Variants in NRXN3 observed in about 807,000 individuals in gnomAD.
NRXN3 encodes neurexin III.
A neutral mutation model predicts 137.6 loss-of-function variants in NRXN3; 32 were observed. The observed-to-expected ratio is 0.23, with a 90% CI of 0.18 to 0.31. The LOEUF is 0.31. Ranked by LOEUF, NRXN3 falls within the 10% of genes least tolerant of loss-of-function variation. The pLI is 1.00. For missense variants in NRXN3, 1,574 were observed against 2,062.5 expected (o/e 0.76, Z 4.59); for synonymous variants, 798 against 784.5 (o/e 1.02, Z -0.29).
chr14:78,817,660 A>G (rs1007070434), intron 10 of NRXN3, among the ~76,000 whole-genome samples: 4 of 152,168 alleles, frequency 2.6e-5, no homozygotes, highest in Non-Finnish European at 5.9e-5. Flanking sequence ...CAAAAAGATC[A>G]CTTGGTGAGA....
At chr14:79,571,332 G>A (rs2097599125) in intron 16 of NRXN3, among the ~76,000 whole-genome samples, 3 of 152,106 alleles carry the variant, frequency 2.0e-5, no homozygotes, top group Admixed American at 2.0e-4. Flanking sequence ...CATTGATACT[G>A]CAAGACATAT....
chr14:79,483,389 A>C (rs2096626008), intron 16 of NRXN3, among the ~76,000 whole-genome samples: 4 of 152,182 alleles, frequency 2.6e-5, no homozygotes, highest in Admixed American at 2.6e-4. Context: ...GTTTCCATGA[A>C]TTGCTTCTTT....
intron 10 of NRXN3, among the ~76,000 whole-genome samples, chr14:78,947,243 G>T (rs550449616): frequency 1.3e-5 from 2 of 152,310 alleles, no homozygotes; most frequent in South Asian, 4.1e-4. Flanking sequence ...AAGCTGATAG[G>T]CCTTGTAATT....
intron 8 of NRXN3, among the ~76,000 whole-genome samples, chr14:78,718,875 G>A (rs998096347): frequency 2.0e-5 from 3 of 152,174 alleles, no homozygotes; most frequent in Admixed American, 6.5e-5. Flanking sequence ...AATCAGATAG[G>A]TTGAAATTCT....
At chr14:78,547,761 T>C (rs986151902) in intron 4 of NRXN3, among the ~76,000 whole-genome samples, 8 of 151,484 alleles carry the variant, frequency 5.3e-5, no homozygotes, top group African/African-American at 1.9e-4. Flanking sequence ...CTCATTTCTA[T>C]TCCTTAGTGA....
intron 10 of NRXN3, among the ~76,000 whole-genome samples, chr14:78,885,204 A>G (rs574070004): frequency 1.3e-5 from 2 of 149,028 alleles, no homozygotes; most frequent in East Asian, 3.9e-4. Flanking sequence ...ATGTATGTAA[A>G]ATATATAAAT....
At chr14:78,631,590 C>T (rs2097523560) in intron 4 of NRXN3, among the ~76,000 whole-genome samples, 1 of 152,036 alleles carries the variant, frequency 6.6e-6, no homozygotes, top group Non-Finnish European at 1.5e-5. Flanking sequence ...AAAACTAAAC[C>T]AATTTGAGTG....
chr14:78,740,544 CT>C (rs11389703), intron 8 of NRXN3, among the ~76,000 whole-genome samples: 119 of 142,072 alleles, frequency 8.4e-4, no homozygotes, highest in African/African-American at 9.9e-4. Context: ...CTTTTCTTTT[CT>C]TTTTTTTTTT....
At chr14:78,637,787 A>T (rs1290148670) in intron 4 of NRXN3, among the ~76,000 whole-genome samples, 7 of 152,210 alleles carry the variant, frequency 4.6e-5, no homozygotes, top group Non-Finnish European at 8.8e-5. Context: ...AGGCATTCAA[A>T]ATTTTTTAGC....
rs113968589 is a variant in NRXN3, at chr14:79,832,854, A to C, written c.4093+27664A>C. Among the ~76,000 whole-genome samples, 507 of 152,306 alleles carry C rather than the reference A, an allele frequency of 3.3e-3. 6 individuals carry two copies. The East Asian group carries it at 0.034, about 10-fold the overall frequency. On this transcript the variant is annotated intron_variant, in intron 20 of 20. Transcript: ENST00000335750. ...CCAAACTTTTCCCTTAAAAAGGAAA[A>C]TGGATTTATTCTTTTAGATTAAAAG...
intron 11 of NRXN3, among the ~76,000 whole-genome samples, chr14:78,961,699 G>T (rs1251389297): frequency 6.6e-6 from 1 of 152,172 alleles, no homozygotes; most frequent in African/African-American, 2.4e-5. Flanking sequence ...ACTCCCCCAA[G>T]GTAACCCAGT....
intron 19 of NRXN3, among the ~76,000 whole-genome samples, chr14:79,750,721 G>A (rs1278463575): frequency 4.6e-5 from 7 of 152,020 alleles, no homozygotes; most frequent in South Asian, 2.1e-4. Context: ...CTCTCATTCC[G>A]CAAAGTCAGG....
chr14:79,492,522 A>G (rs2096727206), intron 16 of NRXN3, among the ~76,000 whole-genome samples: 1 of 152,000 alleles, frequency 6.6e-6, no homozygotes, highest in Non-Finnish European at 1.5e-5. Flanking sequence ...AGCTGGGATT[A>G]CAGGCACGTG....
chr14:79,404,890 C>T (rs1171038997), intron 15 of NRXN3, among the ~76,000 whole-genome samples: 1 of 152,104 alleles, frequency 6.6e-6, no homozygotes, highest in East Asian at 1.9e-4. Flanking sequence ...TGTGCAGGCC[C>T]GTGTGTTCGT....
chr14:79,100,177 C>T (rs937878700), intron 15 of NRXN3, among the ~76,000 whole-genome samples: 1 of 152,150 alleles, frequency 6.6e-6, no homozygotes, highest in East Asian at 1.9e-4. Flanking sequence ...TAAAGGAGAG[C>T]CTTTTCATTG....
chr14:79,495,936 T>C (rs2096761683), intron 16 of NRXN3, among the ~76,000 whole-genome samples: 1 of 148,718 alleles, frequency 6.7e-6, no homozygotes, highest in African/African-American at 2.5e-5. Context: ...CTCTATCGAG[T>C]AGTCAAGTGC....
At chr14:79,159,575 T>A in intron 15 of NRXN3, among the ~76,000 whole-genome samples, 1 of 151,728 alleles carries the variant, frequency 6.6e-6, no homozygotes, top group East Asian at 2.0e-4. Flanking sequence ...CTGCTGTAGG[T>A]TTCATTCTCA....
intron 1 of NRXN3, among the ~76,000 whole-genome samples, chr14:78,192,149 G>A (rs1010344600): frequency 6.6e-6 from 1 of 152,100 alleles, no homozygotes; most frequent in Non-Finnish European, 1.5e-5. Context: ...TAAGTGCAGG[G>A]TGTGTGTTGT....
chr14:79,015,963 A>G (rs1223271067), intron 15 of NRXN3, among the ~76,000 whole-genome samples: 2 of 152,086 alleles, frequency 1.3e-5, no homozygotes, highest in African/African-American at 2.4e-5. Context: ...AGGGCACTCT[A>G]AAGTGCCTTC....
Sources: gnomAD v4.1 joint callset for allele counts (sites outside exome capture counted in the v4.1 genomes callset) on GRCh38, gnomAD v4.1.1 for gene constraint, MANE v1.5 for transcripts, NCBI Gene and HGNC (gene_info 2026-07-23, HGNC 2026-07-21) for gene names.